The following NKAIN3 variants were observed in gnomAD, a reference collection of about 807,000 sequenced individuals.
NKAIN3 encodes the protein sodium/potassium-transporting ATPase subunit beta-1-interacting protein 3.
Under a neutral mutation model 30.2 loss-of-function variants are expected in NKAIN3, and 25 were observed. The ratio of observed to expected loss-of-function variants is 0.83; its 90% confidence interval spans 0.60 to 1.16. The LOEUF (loss-of-function observed/expected upper bound fraction) is 1.16, where lower values mean the gene tolerates loss of function less well. NKAIN3 is among the 50% of genes most tolerant of loss of function. The probability of loss-of-function intolerance (pLI) is 0.00; values close to 1 mark genes in which losing one functional copy is unlikely to be tolerated. For synonymous variants in NKAIN3, 91 were observed against 89.6 expected (o/e 1.02, Z -0.09); for missense variants, 225 against 254.1 (o/e 0.89, Z 0.78).
At chr8:62,873,159 T>C (rs1444805129) in intron 4 of NKAIN3, among the ~76,000 whole-genome samples, 1 of 151,882 alleles carries the variant, frequency 6.6e-6, no homozygotes, top group African/African-American at 2.4e-5. Flanking sequence ...GCCAAGCAGA[T>C]GGAAAGCAAA....
At chr8:62,513,662 G>C (rs1807883376) in intron 1 of NKAIN3, among the ~76,000 whole-genome samples, 1 of 151,884 alleles carries the variant, frequency 6.6e-6, no homozygotes, top group Non-Finnish European at 1.5e-5. Context: ...GAGCCAAGGA[G>C]TTTGAGATTA....
chr8:62,784,162 T>C (rs974328100), intron 4 of NKAIN3, among the ~76,000 whole-genome samples: 15 of 152,060 alleles, frequency 9.9e-5, no homozygotes, highest in Non-Finnish European at 1.9e-4. Flanking sequence ...CAGTTATAAA[T>C]GGACATATTA....
At chr8:62,397,978 A>G (rs1817818390) in intron 1 of NKAIN3, among the ~76,000 whole-genome samples, 1 of 152,188 alleles carries the variant, frequency 6.6e-6, no homozygotes, top group African/African-American at 2.4e-5. Flanking sequence ...CCATCCTTAT[A>G]CATCATTTTC....
intron 3 of NKAIN3, among the ~76,000 whole-genome samples, chr8:62,667,763 C>T (rs1813173035): frequency 1.3e-5 from 2 of 152,112 alleles, no homozygotes; most frequent in Non-Finnish European, 2.9e-5. Flanking sequence ...TCAAGTTTAG[C>T]ATGAACCTCA....
chr8:62,522,409 A>C (rs903315234), intron 1 of NKAIN3, among the ~76,000 whole-genome samples: 1 of 152,108 alleles, frequency 6.6e-6, no homozygotes, highest in Non-Finnish European at 1.5e-5. Context: ...CTATGTTGCT[A>C]GTTTATTTAC....
At chr8:62,772,880 C>T (rs1388048884) in intron 4 of NKAIN3, among the ~76,000 whole-genome samples, 3 of 151,980 alleles carry the variant, frequency 2.0e-5, no homozygotes, top group East Asian at 1.9e-4. Flanking sequence ...AGGTTGGTCT[C>T]GAACTCCTGA....
intron 4 of NKAIN3, among the ~76,000 whole-genome samples, chr8:62,828,286 G>A (rs1819087124): frequency 6.6e-6 from 1 of 152,014 alleles, no homozygotes; most frequent in African/African-American, 2.4e-5. Context: ...GATTATCTGA[G>A]ACAGTTCTTT....
At chr8:62,474,961 G>A (rs1806467256) in intron 1 of NKAIN3, among the ~76,000 whole-genome samples, 1 of 152,152 alleles carries the variant, frequency 6.6e-6, no homozygotes, top group African/African-American at 2.4e-5. Context: ...GGTAGATCAT[G>A]ATAAGTTAAG....
intron 3 of NKAIN3, among the ~76,000 whole-genome samples, chr8:62,697,496 C>T (rs550904046): frequency 1.8e-4 from 28 of 152,282 alleles, no homozygotes; most frequent in Admixed American, 1.8e-3. Flanking sequence ...TTTCAAACTT[C>T]GTCCACCTCC....
chr8:62,706,569 T>C (rs1359751776), intron 3 of NKAIN3, among the ~76,000 whole-genome samples: 1 of 152,130 alleles, frequency 6.6e-6, no homozygotes, highest in African/African-American at 2.4e-5. Context: ...TTCCCCATCC[T>C]TGTGGTTTAT....
intron 1 of NKAIN3, among the ~76,000 whole-genome samples, chr8:62,546,766 G>A (rs1329982600): frequency 6.6e-6 from 1 of 152,104 alleles, no homozygotes; most frequent in Non-Finnish European, 1.5e-5. Flanking sequence ...AAAAATATTG[G>A]AAAGTGTAAG....
chr8:62,273,951 C>T (rs550043239), intron 1 of NKAIN3, among the ~76,000 whole-genome samples: 8 of 152,282 alleles, frequency 5.3e-5, no homozygotes, highest in Non-Finnish European at 1.0e-4. Context: ...CTGACCTCCA[C>T]CAGGCCTCCT....
At chr8:62,606,750 A>G (rs1435677224) in intron 3 of NKAIN3, among the ~76,000 whole-genome samples, 1 of 152,146 alleles carries the variant, frequency 6.6e-6, no homozygotes, top group African/African-American at 2.4e-5. Context: ...AATGAAGAAA[A>G]CACTTCCTCT....
At chr8:62,750,302 G>A (rs1816235427) in intron 4 of NKAIN3, among the ~76,000 whole-genome samples, 1 of 152,000 alleles carries the variant, frequency 6.6e-6, no homozygotes, top group African/African-American at 2.4e-5. Flanking sequence ...AAGTATTTGA[G>A]TGCTTTGACC....
chr8:62,886,322 A>G (rs1187625513), intron 4 of NKAIN3, among the ~76,000 whole-genome samples: 6 of 151,994 alleles, frequency 3.9e-5, no homozygotes, highest in Admixed American at 6.6e-5. Flanking sequence ...CTACTTATTT[A>G]TTTTACTCAT....
chr8:62,585,989 C>G (rs528872339), intron 2 of NKAIN3, among the ~76,000 whole-genome samples: 2 of 152,238 alleles, frequency 1.3e-5, no homozygotes, highest in Admixed American at 1.3e-4. Context: ...GGTTTTAACT[C>G]ACATGCAGAT....
chr8:62,887,274 T>C (rs1228243336), intron 4 of NKAIN3, among the ~76,000 whole-genome samples: 1 of 152,168 alleles, frequency 6.6e-6, no homozygotes, highest in Admixed American at 6.5e-5. Context: ...CTTTTTTCCT[T>C]ATCTTTGATT....
Position 62,689,045 on chromosome 8 carries a change from G to A in NKAIN3, c.274-57887G>A, listed in dbSNP as rs73685437. 9.9e-3 allele frequency among the ~76,000 whole-genome samples: 1,500 copies of A among 152,058 alleles called. 23 individuals carry two copies. Among genetic ancestry groups the A allele is most frequent in the African/African-American group, 0.034 (1,421 of 41,494 alleles). On this transcript the variant is annotated intron_variant, in intron 3 of 6. Transcript: ENST00000623646. ...TACTTTTATAGTTTGCCCATTCTAC[G>A]TGCTAATTTTTATTTGCTATTATAT...
chr8:62,284,857 A>G (rs1310254991), intron 1 of NKAIN3, among the ~76,000 whole-genome samples: 1 of 152,174 alleles, frequency 6.6e-6, no homozygotes, highest in Non-Finnish European at 1.5e-5. Flanking sequence ...ATTCCTGGGT[A>G]ACTGTGGTTC....
Sources: allele counts gnomAD v4.1 joint callset (sites outside exome capture counted in the v4.1 genomes callset), GRCh38; gene constraint gnomAD v4.1.1; transcripts MANE v1.5; gene names NCBI Gene and HGNC (gene_info 2026-07-23, HGNC 2026-07-21).